ERC2: variants seen among roughly 807,000 people sequenced by gnomAD.
ERC2 encodes ERC protein 2.
A neutral mutation model predicts 114.8 loss-of-function variants in ERC2; 42 were observed. That is an observed-to-expected ratio of 0.37 (90% CI 0.29 to 0.47). ERC2 has a LOEUF of 0.47. Among genes scored for constraint, ERC2 ranks in the 20% least tolerant of loss-of-function variants. ERC2 has a pLI of 0.99. For synonymous variants in ERC2, 454 were observed against 425.5 expected, an observed-to-expected ratio of 1.07 and a Z score of -0.82; for missense variants, 939 against 1,150.7, an observed-to-expected ratio of 0.82 and a Z score of 2.66.
chr3:56,269,648 C>T (rs2053534391), intron 3 of ERC2, among the ~76,000 whole-genome samples: 1 of 152,118 alleles, frequency 6.6e-6, no homozygotes, highest in Non-Finnish European at 1.5e-5. Flanking sequence ...AGGAAGGAAG[C>T]AAATAACCCT....
chr3:55,999,478 G>T (rs2071862245), intron 10 of ERC2, among the ~76,000 whole-genome samples: 1 of 151,750 alleles, frequency 6.6e-6, no homozygotes, highest in Non-Finnish European at 1.5e-5. Context: ...AGACAGAATT[G>T]ACTATAAAAT....
chr3:55,739,202 T>C (rs1234015066), intron 14 of ERC2, among the ~76,000 whole-genome samples: 1 of 152,328 alleles, frequency 6.6e-6, no homozygotes, highest in Middle Eastern at 3.4e-3. Context: ...CTATTGTGAA[T>C]AGTGCCGCAA....
At chr3:55,847,283 T>C (rs770313717) in intron 14 of ERC2, among the ~76,000 whole-genome samples, 1 of 152,158 alleles carries the variant, frequency 6.6e-6, no homozygotes, top group African/African-American at 2.4e-5. Flanking sequence ...AATGAGGATT[T>C]TCACCCTCCT....
At position 55,517,995 on chromosome 3, in the gene ERC2, C is replaced by T. The variant is rs574573903; in HGVS notation, c.*40-6719G>A. Among the ~76,000 whole-genome samples the T allele has an allele frequency of 2.0e-4, 31 of 152,282 alleles. 1 individual carries two copies. In the East Asian group the frequency reaches 3.5e-3, roughly 17 times the overall value. ...CCAAGGTTTCTCCATCTTGGTACTACGGCCATGTGGGGCTGGATGATTCTT... is the reference window on the plus strand; with the variant it reads ...CCAAGGTTTCTCCATCTTGGTACTATGGCCATGTGGGGCTGGATGATTCTT... On this transcript the variant is annotated intron_variant, in intron 17 of 17. Coordinates refer to ENST00000288221, the MANE Select transcript of ERC2 (RefSeq NM_015576.3).
intron 17 of ERC2, among the ~76,000 whole-genome samples, chr3:55,665,171 A>G (rs956655104): frequency 6.6e-6 from 1 of 152,172 alleles, no homozygotes; most frequent in Non-Finnish European, 1.5e-5. Context: ...AGTCAAAAAA[A>G]TCAAGACACT....
At chr3:56,249,732 C>A (rs1315932492) in intron 3 of ERC2, among the ~76,000 whole-genome samples, 1 of 152,036 alleles carries the variant, frequency 6.6e-6, no homozygotes, top group East Asian at 1.9e-4. Context: ...TGAGCTAATA[C>A]ATGTAAAATG....
At chr3:56,364,289 G>C (rs990807241) in intron 2 of ERC2, among the ~76,000 whole-genome samples, 7 of 152,128 alleles carry the variant, frequency 4.6e-5, no homozygotes, top group African/African-American at 1.7e-4. Flanking sequence ...CGTATGCGGT[G>C]ATAACAAAGC....
At chr3:56,239,830 T>C (rs1576021037) in intron 3 of ERC2, among the ~76,000 whole-genome samples, 2 of 152,218 alleles carry the variant, frequency 1.3e-5, no homozygotes, top group Non-Finnish European at 2.9e-5. Flanking sequence ...CTGGCTGAAA[T>C]GTATCTCTGG....
intron 2 of ERC2, among the ~76,000 whole-genome samples, chr3:56,417,002 C>G (rs1208400742): frequency 6.6e-6 from 1 of 152,178 alleles, no homozygotes; most frequent in Non-Finnish European, 1.5e-5. Flanking sequence ...TTCTTTGGTA[C>G]AAACTATTGA....
intron 17 of ERC2, among the ~76,000 whole-genome samples, chr3:55,538,615 A>T (rs2054159555): frequency 6.6e-6 from 1 of 152,198 alleles, no homozygotes; most frequent in African/African-American, 2.4e-5. Context: ...ACCATGGAAA[A>T]GGGCATTTTT....
intron 15 of ERC2, among the ~76,000 whole-genome samples, chr3:55,706,471 A>T (rs2063495435): frequency 6.6e-6 from 1 of 152,046 alleles, no homozygotes; most frequent in Non-Finnish European, 1.5e-5. Flanking sequence ...ATCTCGGCTC[A>T]CTGTAACCTC....
intron 3 of ERC2, among the ~76,000 whole-genome samples, chr3:56,270,366 C>T (rs62253616): frequency 0.025 from 3,863 of 152,224 alleles, 82 homozygotes; most frequent in Non-Finnish European, 0.04. Flanking sequence ...ACATTTATTG[C>T]CATTTTTCCA....
At chr3:55,516,629 G>A (rs2052532042) in intron 17 of ERC2, among the ~76,000 whole-genome samples, 1 of 152,146 alleles carries the variant, frequency 6.6e-6, no homozygotes, top group African/African-American at 2.4e-5. Context: ...AGGAGGCAGT[G>A]GAGGGACTTG....
At chr3:56,335,947 G>C (rs1054674094) in intron 2 of ERC2, among the ~76,000 whole-genome samples, 1 of 152,088 alleles carries the variant, frequency 6.6e-6, no homozygotes, top group African/African-American at 2.4e-5. Context: ...TAGTCCACAA[G>C]TAATAATAAT....
chr3:56,384,447 C>T (rs149959895), intron 2 of ERC2, among the ~76,000 whole-genome samples: 20 of 152,150 alleles, frequency 1.3e-4, no homozygotes, highest in Middle Eastern at 3.4e-3. Context: ...TTTCTAATGA[C>T]TAGTATGTTC....
At chr3:56,131,316 T>C (rs1020976008) in intron 6 of ERC2, among the ~76,000 whole-genome samples, 2 of 152,150 alleles carry the variant, frequency 1.3e-5, no homozygotes, top group Non-Finnish European at 2.9e-5. Flanking sequence ...AAAATACAAA[T>C]GACACCAGGG....
rs558909054 is a variant in ERC2 at position 55,575,207 on chromosome 3, G to A, written c.*40-63931C>T. On this transcript the variant is annotated intron_variant, in intron 17 of 17. Coordinates refer to ENST00000288221, the MANE Select transcript of ERC2 (RefSeq NM_015576.3). The stretch of plus-strand genomic sequence containing the variant: ...TTTTTTGGTATTTTTTAGTAGAGAC[G>A]GGGTTTCACCATGTTGGGCAGGCTG... 6.6e-5 allele frequency among the ~76,000 whole-genome samples: 10 copies of A among 152,102 alleles called. 1 individual carries two copies. The highest frequency in any genetic ancestry group is 3.4e-3 in the Middle Eastern group (1 of 294).
chr3:56,071,823 A>G (rs921800646), intron 7 of ERC2, among the ~76,000 whole-genome samples: 2 of 152,214 alleles, frequency 1.3e-5, no homozygotes, highest in Non-Finnish European at 1.5e-5. Context: ...GCTTAGTTTT[A>G]CCATGGAAGC....
chr3:55,973,286 G>A (rs1393905367), intron 12 of ERC2, among the ~76,000 whole-genome samples: 1 of 152,200 alleles, frequency 6.6e-6, no homozygotes, highest in East Asian at 1.9e-4. Flanking sequence ...GTTACAGTGA[G>A]GGATGAGCTA....
Sources: allele counts gnomAD v4.1 joint callset (sites outside exome capture counted in the v4.1 genomes callset), GRCh38; gene constraint gnomAD v4.1.1; transcripts MANE v1.5; gene names NCBI Gene and HGNC (gene_info 2026-07-23, HGNC 2026-07-21).